The following ZBTB16 variants were observed in gnomAD, a reference collection of about 807,000 sequenced individuals.
ZBTB16 encodes the protein zinc finger and BTB domain-containing protein 16.
Under a neutral mutation model 56.8 loss-of-function variants are expected in ZBTB16, and 8 were observed. The observed-to-expected ratio is 0.14, with a 90% confidence interval of 0.08 to 0.25. ZBTB16 has a LOEUF of 0.25. ZBTB16 is among the 10% of genes least tolerant of loss of function. The pLI is 1.00. For synonymous variants in ZBTB16, 363 were observed against 368.5 expected, an observed-to-expected ratio of 0.98 and a Z score of 0.17; for missense variants, 625 against 903.0, an observed-to-expected ratio of 0.69 and a Z score of 3.95.
At chr11:114,132,600 G>A (rs187222992) in intron 2 of ZBTB16, among the ~76,000 whole-genome samples, 12 of 152,282 alleles carry the variant, frequency 7.9e-5, no homozygotes, top group Admixed American at 7.2e-4. Context: ...ATAAAGGGAT[G>A]GGAAAGCCCT....
At position 114,250,660 on chromosome 11, in the gene ZBTB16, A is replaced by G. The variant is rs1944902546; in HGVS notation, c.*105A>G. The G allele has an allele frequency of 3.8e-6, 5 of 1,304,084 alleles. No homozygotes were observed. In the South Asian group the frequency reaches 5.4e-5, roughly 14 times the overall value. The allele number at this position is 1,304,084 out of a possible 1,614,324, so 80.8% of individuals were successfully genotyped here. A position where few individuals can be genotyped will look rare whatever the true frequency, so the allele number is the denominator to read the frequency against. On this transcript the variant is annotated 3_prime_UTR_variant, in exon 7 of 7. Transcript: ENST00000335953. This position sits in a 1 kb window ranked among gnomAD's most constrained non-coding sequence, Gnocchi z 6.0. ...ATAAAAAAGGAAAAGAAAAAAAAAAACAGAAGGAAAAGGAAACCTGGTAGC... is the reference window on the plus strand; with the variant it reads ...ATAAAAAAGGAAAAGAAAAAAAAAAGCAGAAGGAAAAGGAAACCTGGTAGC...
intron 4 of ZBTB16, among the ~76,000 whole-genome samples, chr11:114,203,703 T>C (rs1943787176): frequency 6.6e-6 from 1 of 152,170 alleles, no homozygotes; most frequent in Non-Finnish European, 1.5e-5. Context: ...CCCAACCTCC[T>C]ATACCTGCGG....
Position 114,252,181 on chromosome 11 carries a change from G to A in ZBTB16, c.*1626G>A, listed in dbSNP as rs1452066655. On this transcript the variant is annotated 3_prime_UTR_variant, in exon 7 of 7. Coordinates refer to ENST00000335953, the MANE Select transcript of ZBTB16 (RefSeq NM_006006.6). ...AGAGGGCACTAGGGAGTCACTTTTGGCTCCGCTGGTGCATGAAGTCACCTG... is the reference window on the plus strand; with the variant it reads ...AGAGGGCACTAGGGAGTCACTTTTGACTCCGCTGGTGCATGAAGTCACCTG... 6.6e-6 allele frequency among the ~76,000 whole-genome samples: 1 copy of A among 152,064 alleles called. No homozygotes were observed. Among genetic ancestry groups the A allele is most frequent in the African/African-American group, 2.4e-5 (1 of 41,404 alleles).
chr11:114,124,556 C>CAAAAAAAAAAAAAAA (rs1565638067), intron 2 of ZBTB16, among the ~76,000 whole-genome samples: 2 of 79,636 alleles, frequency 2.5e-5, no homozygotes, highest in African/African-American at 9.2e-5. Context: ...AAAAAAAAAA[C>CAAAAAAAAAAAAAAA]CAAAAAAAAA....
At chr11:114,092,169 C>G (rs576394368) in intron 2 of ZBTB16, among the ~76,000 whole-genome samples, 1 of 152,190 alleles carries the variant, frequency 6.6e-6, no homozygotes, top group Non-Finnish European at 1.5e-5. Context: ...ACAGGAGACC[C>G]GAGAGGCTCC....
chr11:114,249,724 C>T (rs1166926571), intron 6 of ZBTB16, among the ~76,000 whole-genome samples: 1 of 139,216 alleles, frequency 7.2e-6, no homozygotes, highest in African/African-American at 2.8e-5. Flanking sequence ...GAGATTGCGC[C>T]ACTGCAGTCC....
At position 114,138,952 on chromosome 11, in the gene ZBTB16, A is replaced by G. The variant is rs191506937; in HGVS notation, c.1269-17385A>G. 8.8e-3 allele frequency among the ~76,000 whole-genome samples: 1,333 copies of G among 152,078 alleles called. 24 individuals are homozygous for G. The highest frequency in any genetic ancestry group is 0.031 in the African/African-American group (1,266 of 41,468). On this transcript the variant is annotated intron_variant, in intron 2 of 6. Transcript: ENST00000335953. Reference sequence around the variant, plus strand: ...GTGATCCACCCGCTTCTGCCTCCCAAAGCGCTGGGATTACAGGCGTGAGCC... The same window carrying G: ...GTGATCCACCCGCTTCTGCCTCCCAGAGCGCTGGGATTACAGGCGTGAGCC...
At chr11:114,081,784 A>G (rs1939771543) in intron 2 of ZBTB16, among the ~76,000 whole-genome samples, 1 of 152,186 alleles carries the variant, frequency 6.6e-6, no homozygotes, top group Non-Finnish European at 1.5e-5. Context: ...CAGGGGAGAA[A>G]ACAAGGAGTA....
rs889423727 is a variant in ZBTB16 at position 114,247,920 on chromosome 11, G to A, written c.1792+555G>A. ...GCCTTCACATTTTTTTTTTTTAGACGGAGTTTCGCTCTTATTGGCCAGGCC... is the reference window on the plus strand; with the variant it reads ...GCCTTCACATTTTTTTTTTTTAGACAGAGTTTCGCTCTTATTGGCCAGGCC... On this transcript the variant is annotated intron_variant, in intron 6 of 6. Transcript: ENST00000335953. 6.7e-5 allele frequency among the ~76,000 whole-genome samples: 10 copies of A among 149,300 alleles called. 1 individual carries two copies. The East Asian group carries it at 1.4e-3, about 20-fold the overall frequency.
chr11:114,187,959 T>C, intron 4 of ZBTB16: 1 of 170,000 alleles, frequency 5.9e-6, no homozygotes. Context: ...TCTGTCACTG[T>C]CTCTTGTCAA....
chr11:114,199,935 T>G (rs1309021941), intron 4 of ZBTB16, among the ~76,000 whole-genome samples: 2 of 152,136 alleles, frequency 1.3e-5, no homozygotes, highest in Non-Finnish European at 2.9e-5. Context: ...AAGACCATCC[T>G]GGCTAACATG....
intron 3 of ZBTB16, among the ~76,000 whole-genome samples, chr11:114,158,477 G>A (rs1272717694): frequency 5.3e-5 from 8 of 152,134 alleles, no homozygotes; most frequent in Admixed American, 5.2e-4. Flanking sequence ...ATCCCCAGCT[G>A]TTCCCCACCT....
At chr11:114,179,100 C>T (rs1304305696) in intron 3 of ZBTB16, among the ~76,000 whole-genome samples, 1 of 152,232 alleles carries the variant, frequency 6.6e-6, no homozygotes, top group Admixed American at 6.5e-5. Context: ...TTGTCAACCA[C>T]AGCTACCCTT....
At chr11:114,156,497 C>G (rs1020017730) in intron 3 of ZBTB16, 63 bp downstream of exon 3, 1 of 1,510,978 alleles carries the variant, frequency 6.6e-7, no homozygotes, top group Non-Finnish European at 9.2e-7. Context: ...TTGCCTTTAC[C>G]CCTCCTCAGA....
intron 4 of ZBTB16, chr11:114,209,267 A>G: frequency 1.9e-6 from 1 of 530,584 alleles, no homozygotes; most frequent in Non-Finnish European, 2.4e-6. Flanking sequence ...TGTGTGCTGG[A>G]GAAGGATTTG....
At chr11:114,097,851 G>A (rs1940473992) in intron 2 of ZBTB16, among the ~76,000 whole-genome samples, 5 of 151,836 alleles carry the variant, frequency 3.3e-5, no homozygotes, top group Admixed American at 3.3e-4. Flanking sequence ...TTTTCTTTCT[G>A]CACTTAAATA....
Position 114,250,772 on chromosome 11 carries a change from C to T in ZBTB16, c.*217C>T, listed in dbSNP as rs545912674. ...TCTGGGGGCCTCCACCCTCCTCTCC[C>T]GGCTGGAGGTTTGCCTGATTTTCTG... On this transcript the variant is annotated 3_prime_UTR_variant, in exon 7 of 7. Coordinates refer to ENST00000335953, the MANE Select transcript of ZBTB16 (RefSeq NM_006006.6). The surrounding 1 kb of genome is among the most constrained non-coding windows in gnomAD (Gnocchi z 6.0). 430 of 596,784 alleles carry T rather than the reference C, an allele frequency of 7.2e-4. 1 individual carries two copies. The highest frequency in any genetic ancestry group is 7.1e-3 in the African/African-American group (380 of 53,888). 37.0% of individuals were successfully genotyped at this position (596,784 alleles called of 1,614,324 possible).
intron 2 of ZBTB16, among the ~76,000 whole-genome samples, chr11:114,139,589 C>A (rs964972197): frequency 1.3e-5 from 2 of 149,012 alleles, no homozygotes; most frequent in Admixed American, 6.7e-5. Context: ...AAACAGATGG[C>A]GAGAGATGGC....
At position 114,061,962 on chromosome 11, in the gene ZBTB16, A is replaced by T. The variant is rs1360995037; in HGVS notation, c.-90-1249A>T. On this transcript the variant is annotated intron_variant, in intron 1 of 6. Coordinates refer to ENST00000335953, the MANE Select transcript of ZBTB16 (RefSeq NM_006006.6). The stretch of plus-strand genomic sequence containing the variant: ...GCATGAGCACTCCTGGCTGTAGGGG[A>T]CCATATTTAACTATGGTCTCTCTCC... Among the ~76,000 whole-genome samples the T allele has an allele frequency of 2.0e-5, 3 of 151,968 alleles. No individual in the cohort carries two copies. The East Asian group carries it at 5.8e-4, about 29-fold the overall frequency.
Sources: allele counts gnomAD v4.1 joint callset (sites outside exome capture counted in the v4.1 genomes callset), GRCh38; gene constraint gnomAD v4.1.1; non-coding constraint Gnocchi (gnomAD v3.1); transcripts MANE v1.5; gene names NCBI Gene and HGNC (gene_info 2026-07-23, HGNC 2026-07-21).